SLC25A42: variants seen among roughly 807,000 people sequenced by gnomAD.
SLC25A42 encodes the protein solute carrier family 25 member 42, also known as mitochondrial coenzyme A transporter SLC25A42.
SLC25A42 carries 19 observed loss-of-function variants against 34.7 expected under a neutral mutation model. The ratio of observed to expected loss-of-function variants is 0.55; its 90% confidence interval spans 0.38 to 0.80. The LOEUF is 0.80. Among genes scored for constraint, SLC25A42 ranks in the 30% least tolerant of loss-of-function variants. The pLI, the probability that SLC25A42 is intolerant of heterozygous loss-of-function variation, is 0.00. For synonymous variants in SLC25A42, 205 were observed against 191.2 expected, an observed-to-expected ratio of 1.07 and a Z score of -0.59; for missense variants, 364 against 441.3, an observed-to-expected ratio of 0.82 and a Z score of 1.57.
At chr19:19,072,265 C>G (rs1473494529) in intron 1 of SLC25A42, among the ~76,000 whole-genome samples, 1 of 152,220 alleles carries the variant, frequency 6.6e-6, no homozygotes, top group Non-Finnish European at 1.5e-5. Flanking sequence ...CTGTCTGATT[C>G]CTTATTAGGG....
At chr19:19,105,453 G>T in intron 4 of SLC25A42, 108 bp from the exon 5 acceptor site, 1 of 1,352,874 alleles carries the variant, frequency 7.4e-7, no homozygotes, top group Non-Finnish European at 1.0e-6. Flanking sequence ...CATGGAGATG[G>T]GGTCACCCCG....
intron 3 of SLC25A42, among the ~76,000 whole-genome samples, chr19:19,103,793 TTCC>T (rs1322754925): frequency 6.6e-6 from 1 of 152,184 alleles, no homozygotes; most frequent in Non-Finnish European, 1.5e-5. Flanking sequence ...GTGTCCCAGT[TTCC>T]TCCTCCGTAA....
intron 1 of SLC25A42, among the ~76,000 whole-genome samples, chr19:19,086,828 A>T (rs1328925629): frequency 6.6e-6 from 1 of 151,988 alleles, no homozygotes; most frequent in African/African-American, 2.4e-5. Flanking sequence ...TTTTGTAGAG[A>T]TGGGGCTTTT....
rs71911259 is a variant in SLC25A42 at position 19,107,456 on chromosome 19, ACT to A, written c.498-435_498-434del. ...AAGACCAGCCTGGTCAACATGGCAA[ACT>A]CTATTTCTACTAAAAATAAAAAATT... is the stretch of plus-strand genomic sequence containing the variant. On this transcript the variant is annotated intron_variant, in intron 6 of 7. Coordinates refer to ENST00000318596, the MANE Select transcript of SLC25A42 (RefSeq NM_178526.5). 4.1e-3 allele frequency among the ~76,000 whole-genome samples: 630 copies of A among 152,160 alleles called. 7 individuals carry two copies. The highest frequency in any genetic ancestry group is 0.014 in the African/African-American group (601 of 41,504).
chr19:19,098,791 G>A (rs1024605765), intron 2 of SLC25A42, among the ~76,000 whole-genome samples: 4 of 152,138 alleles, frequency 2.6e-5, no homozygotes, highest in African/African-American at 7.2e-5. Flanking sequence ...AGGGTGGCGC[G>A]CAGCTGTAAT....
chr19:19,104,321 AGTGGTGG>A (rs888788158), intron 3 of SLC25A42, among the ~76,000 whole-genome samples: 10 of 150,392 alleles, frequency 6.6e-5, no homozygotes, highest in Admixed American at 5.9e-4. Flanking sequence ...TGCACACACA[AGTGGTGG>A]GTGGTGAGGG....
In SLC25A42 at chr19:19,106,394, TTACA is replaced by T. The variant is rs1390844645; in HGVS notation, c.497+11_497+14del. On this transcript the variant is annotated intron_variant, in intron 6 of 7. Coordinates refer to ENST00000318596, the MANE Select transcript of SLC25A42 (RefSeq NM_178526.5). ...GTAACCCCGAAGGAAATGTGAGTCCTTACATCGGTGATGCGCATCAGCCCCGGGG... is the reference window on the plus strand; with the variant it reads ...GTAACCCCGAAGGAAATGTGAGTCCTTCGGTGATGCGCATCAGCCCCGGGG... 1 of 1,604,340 alleles carries T rather than the reference TTACA, an allele frequency of 6.2e-7. No homozygotes were observed. The highest frequency in any genetic ancestry group is 8.5e-7 in the Non-Finnish European group (1 of 1,173,620).
At chr19:19,072,881 C>T (rs982074926) in intron 1 of SLC25A42, among the ~76,000 whole-genome samples, 1 of 152,046 alleles carries the variant, frequency 6.6e-6, no homozygotes, top group Non-Finnish European at 1.5e-5. Context: ...CTCTGTCACC[C>T]AGGCTGGAGT....
At chr19:19,105,159 C>T in intron 4 of SLC25A42, 1 of 598,880 alleles carries the variant, frequency 1.7e-6, no homozygotes, top group Non-Finnish European at 3.0e-6. Context: ...AGCTCTAAAA[C>T]AACCTTTTCA....
chr19:19,065,216 A>AG (rs2059595465), intron 1 of SLC25A42, among the ~76,000 whole-genome samples: 1 of 151,704 alleles, frequency 6.6e-6, no homozygotes, highest in African/African-American at 2.4e-5. Flanking sequence ...CTGCCGGAGG[A>AG]GGGGGGCTCA....
chr19:19,069,358 A>G (rs1424883746), intron 1 of SLC25A42, among the ~76,000 whole-genome samples: 1 of 152,192 alleles, frequency 6.6e-6, no homozygotes, highest in Non-Finnish European at 1.5e-5. Flanking sequence ...GGGCAGGCCA[A>G]CACTTGGAGG....
Position 19,096,084 on chromosome 19 carries a change from C to G in SLC25A42, c.-34-7C>G, listed in dbSNP as rs1192734964. Reference sequence around the variant, plus strand: ...CCGTATCTTACCACCTCCCCTTACCCCCCCAGGACCGAGTCTCCTGCCATT... The same window carrying G: ...CCGTATCTTACCACCTCCCCTTACCGCCCCAGGACCGAGTCTCCTGCCATT... On this transcript the variant is annotated splice_region_variant and splice_polypyrimidine_tract_variant and intron_variant, in intron 1 of 7. Coordinates refer to ENST00000318596, the MANE Select transcript of SLC25A42 (RefSeq NM_178526.5). 1.9e-6 allele frequency: 3 copies of G among 1,570,936 alleles called. No individual in the cohort carries two copies. The East Asian group carries it at 6.7e-5, about 35-fold the overall frequency.
intron 1 of SLC25A42, among the ~76,000 whole-genome samples, chr19:19,077,360 C>A (rs1272373933): frequency 6.6e-6 from 1 of 152,170 alleles, no homozygotes; most frequent in African/African-American, 2.4e-5. Flanking sequence ...AACAGTAATT[C>A]TCTGTTCCCC....
intron 1 of SLC25A42, among the ~76,000 whole-genome samples, chr19:19,085,413 G>C (rs558717759): frequency 6.7e-6 from 1 of 148,408 alleles, no homozygotes; most frequent in African/African-American, 2.5e-5. Flanking sequence ...AAGGAGTCTC[G>C]TTCTGTCACC....
intron 1 of SLC25A42, among the ~76,000 whole-genome samples, chr19:19,070,028 C>T (rs1215980015): frequency 6.6e-6 from 1 of 152,044 alleles, no homozygotes; most frequent in Non-Finnish European, 1.5e-5. Context: ...GAGTCTTGCT[C>T]TATCGCCCAG....
At chr19:19,085,477 G>A (rs1028030076) in intron 1 of SLC25A42, among the ~76,000 whole-genome samples, 1 of 151,916 alleles carries the variant, frequency 6.6e-6, no homozygotes. Context: ...TGCTTCCGAG[G>A]TTCAAGCTCT....
chr19:19,095,851 G>A, intron 1 of SLC25A42: 1 of 539,908 alleles, frequency 1.9e-6, no homozygotes, highest in Non-Finnish European at 3.5e-6. Context: ...GAGCCTGTTT[G>A]CTCCCTGGGC....
intron 5 of SLC25A42, chr19:19,105,944 T>C (rs534873604): frequency 3.0e-5 from 17 of 568,328 alleles, no homozygotes; most frequent in Non-Finnish European, 4.7e-5. Flanking sequence ...CTCCTCTCCT[T>C]TGCCCGTTTG....
intron 4 of SLC25A42, 144 bp downstream of exon 4, chr19:19,105,082 C>T: frequency 9.9e-7 from 1 of 1,014,634 alleles, no homozygotes; most frequent in Non-Finnish European, 1.5e-6. Context: ...TGCCTGGACA[C>T]AGCCCAGCCT....
Sources: allele counts gnomAD v4.1 joint callset (sites outside exome capture counted in the v4.1 genomes callset), GRCh38; gene constraint gnomAD v4.1.1; transcripts MANE v1.5; gene names NCBI Gene and HGNC (gene_info 2026-07-23, HGNC 2026-07-21).